PRMT7: variants seen among roughly 807,000 people sequenced by gnomAD.
The protein encoded by PRMT7 is protein arginine N-methyltransferase 7.
A neutral mutation model predicts 85.4 loss-of-function variants in PRMT7; 75 were observed. That is an observed-to-expected ratio of 0.88 (90% CI 0.73 to 1.06). PRMT7 has a LOEUF of 1.06. Among genes scored for constraint, PRMT7 ranks in the 50% least tolerant of loss-of-function variants. The probability of loss-of-function intolerance (pLI) is 0.00; values close to 1 mark genes in which losing one functional copy is unlikely to be tolerated. For synonymous variants in PRMT7, 397 were observed against 359.5 expected (o/e 1.10, Z -1.18); for missense variants, 868 against 915.2 (o/e 0.95, Z 0.67).
intron 5 of PRMT7, among the ~76,000 whole-genome samples, chr16:68,327,830 T>C (rs912391448): frequency 1.3e-5 from 2 of 151,578 alleles, no homozygotes; most frequent in Non-Finnish European, 2.9e-5. Context: ...TCCCAGCTAC[T>C]TGGGAGATTG....
At chr16:68,330,415 C>T (rs1441991042) in intron 6 of PRMT7, among the ~76,000 whole-genome samples, 1 of 152,096 alleles carries the variant, frequency 6.6e-6, no homozygotes, top group Non-Finnish European at 1.5e-5. Context: ...CCCATCTCAG[C>T]GACCCAAGTA....
At chr16:68,356,645 G>T in intron 17 of PRMT7, 56 bp from the exon 18 acceptor site, 1 of 1,391,272 alleles carries the variant, frequency 7.2e-7, no homozygotes, top group Non-Finnish European at 1.0e-6. Context: ...AGCTGCAGCT[G>T]TTCCCCCGCT....
At chr16:68,349,337 C>T (rs1047687812) in intron 14 of PRMT7, among the ~76,000 whole-genome samples, 2 of 152,048 alleles carry the variant, frequency 1.3e-5, no homozygotes, top group African/African-American at 4.8e-5. Flanking sequence ...AATCAGTGAC[C>T]ATCAGAGCCG....
At position 68,355,313 on chromosome 16, in the gene PRMT7, C is replaced by T. The variant is rs140816796; in HGVS notation, c.1651-410C>T. On this transcript the variant is annotated intron_variant, in intron 16 of 18. Coordinates refer to ENST00000441236, the MANE Select transcript of PRMT7 (RefSeq NM_019023.5). The stretch of plus-strand genomic sequence containing the variant: ...TCTGCATCCCTCCTGGATGCAGGTG[C>T]CCCCAGCCTGCCGCCAGGCACCGGG... The T allele has an allele frequency of 2.3e-3, 365 of 157,050 alleles. 1 individual carries two copies. Among genetic ancestry groups the T allele is most frequent in the African/African-American group, 8.4e-3 (349 of 41,788 alleles). The allele number at this position is 157,050 out of a possible 1,614,324, so 9.7% of individuals were successfully genotyped here. A position where few individuals can be genotyped will look rare whatever the true frequency, so the allele number is the denominator to read the frequency against.
intron 6 of PRMT7, among the ~76,000 whole-genome samples, chr16:68,333,400 G>C (rs1410864698): frequency 6.6e-6 from 1 of 151,444 alleles, no homozygotes. Flanking sequence ...AGAATTGCTT[G>C]AACCTGGGAG....
At position 68,357,371 on chromosome 16, in the gene PRMT7, G is replaced by A; in HGVS notation, c.*147G>A. 1 of 849,668 alleles carries A rather than the reference G, an allele frequency of 1.2e-6. No individual in the cohort carries two copies. The highest frequency in any genetic ancestry group is 1.8e-6 in the Non-Finnish European group (1 of 564,180). 52.6% of individuals were successfully genotyped at this position (849,668 alleles called of 1,614,324 possible). On this transcript the variant is annotated 3_prime_UTR_variant, in exon 19 of 19. Transcript: ENST00000441236. ...AGACTGCGCCGTGTTGCATCTTGTT[G>A]CATCTTTGCACTGCTGGCCTCTGGC...
chr16:68,329,217 G>A, intron 6 of PRMT7, 43 bp downstream of exon 6: 4 of 1,421,288 alleles, frequency 2.8e-6, no homozygotes, highest in Non-Finnish European at 4.0e-6. Context: ...GCTTGCTCTT[G>A]TGTGAGAGAG....
chr16:68,348,391 G>A lies in PRMT7; in HGVS notation c.1373G>A (p.Arg458Gln), dbSNP rs763616221. Residue 458 changes from arginine (R) to glutamine (Q), a missense_variant, in exon 14 of 19, where the codon CGG becomes CAG. Arg to Gln is a conservative substitution (Grantham distance 43, BLOSUM62 1). Transcript: ENST00000441236. Reference protein sequence around the residue: ...LEDKINIIEKRPELLTNEDLQ... With the variant: ...LEDKINIIEKQPELLTNEDLQ... ...GATAAAATTAACATCATAGAGAAAC[G>A]GCCGGAATTATTAACAAATGAGGAC... 38 of 1,612,812 alleles carry A rather than the reference G, an allele frequency of 2.4e-5. No individual in the cohort carries two copies. Among genetic ancestry groups the A allele is most frequent in the South Asian group, 6.6e-5 (6 of 91,020 alleles).
chr16:68,353,395 G>A lies in PRMT7; in HGVS notation c.1576-97G>A, dbSNP rs749806562. ...CTTCATACTTGGGGGTCTCTTTCAG[G>A]TGTGCAGGGAACAGCAAGATGTGCC... On this transcript the variant is annotated intron_variant, in intron 15 of 18. Coordinates refer to ENST00000441236, the MANE Select transcript of PRMT7 (RefSeq NM_019023.5). 7.0e-6 allele frequency: 11 copies of A among 1,582,426 alleles called. No homozygotes were observed. In the Admixed American group the frequency reaches 2.0e-4, roughly 28 times the overall value.
Position 68,337,588 on chromosome 16 carries a change from T to C in PRMT7, c.504+17T>C, listed in dbSNP as rs1309509539. ...CTCGTGGAGGTAGTAGACGGAGGGCTCCCTCAGACGTGTCTGTGGTCTCAG... is the reference window on the plus strand; with the variant it reads ...CTCGTGGAGGTAGTAGACGGAGGGCCCCCTCAGACGTGTCTGTGGTCTCAG... On this transcript the variant is annotated intron_variant, in intron 7 of 18. Transcript: ENST00000441236. The C allele has an allele frequency of 8.3e-6, 13 of 1,561,394 alleles. No individual in the cohort carries two copies. Among genetic ancestry groups the C allele is most frequent in the Non-Finnish European group, 1.1e-5 (13 of 1,137,926 alleles).
chr16:68,328,760 G>GC (rs2083447602), intron 5 of PRMT7, among the ~76,000 whole-genome samples: 1 of 152,052 alleles, frequency 6.6e-6, no homozygotes, highest in Non-Finnish European at 1.5e-5. Flanking sequence ...GGTTCGTGAG[G>GC]CAAGTCCCTT....
intron 6 of PRMT7, among the ~76,000 whole-genome samples, chr16:68,333,806 T>G (rs1445871455): frequency 6.6e-6 from 1 of 152,094 alleles, no homozygotes; most frequent in Admixed American, 6.6e-5. Flanking sequence ...ATAGAGTGGC[T>G]CTGTCGCCCA....
intron 9 of PRMT7, among the ~76,000 whole-genome samples, chr16:68,341,260 G>T (rs1259204101): frequency 6.6e-6 from 1 of 152,154 alleles, no homozygotes; most frequent in Non-Finnish European, 1.5e-5. Context: ...TTGCCTGATG[G>T]GTTCTTCCCA....
At position 68,329,093 on chromosome 16, in the gene PRMT7, G is replaced by A; in HGVS notation, c.310G>A (p.Val104Met). Residue 104 changes from valine to methionine, a missense_variant, in exon 6 of 19, where the codon GTG becomes ATG. Physicochemically the swap from Val to Met is conservative, Grantham distance 21 (BLOSUM62 1). Transcript: ENST00000441236. Reference protein sequence around the residue: ...EVFKPMADAAVKIVEKNGFSD... With the variant: ...EVFKPMADAAMKIVEKNGFSD... The stretch of plus-strand genomic sequence containing the variant: ...TTTCAAGCCTATGGCTGATGCTGCT[G>A]TGAAGATTGTGGAGAAAAATGGCTT... 2 of 1,611,926 alleles carry A rather than the reference G, an allele frequency of 1.2e-6. No individual in the cohort carries two copies. Among genetic ancestry groups the A allele is most frequent in the Non-Finnish European group, 8.5e-7 (1 of 1,178,066 alleles).
At chr16:68,328,963 A>T (rs1224133652) in intron 5 of PRMT7, 103 bp from the exon 6 acceptor site, 1 of 738,168 alleles carries the variant, frequency 1.4e-6, no homozygotes, top group East Asian at 2.7e-5. Flanking sequence ...TTTAAGTTAC[A>T]TATCTTAGGA....
At chr16:68,355,958 C>A in intron 17 of PRMT7, 75 bp downstream of exon 17, 1 of 1,404,896 alleles carries the variant, frequency 7.1e-7, no homozygotes, top group Non-Finnish European at 9.3e-7. Context: ...GTGGTGAGCA[C>A]AGCTGGCCTG....
intron 14 of PRMT7, 137 bp downstream of exon 14, chr16:68,348,568 C>G: frequency 1.8e-6 from 1 of 567,958 alleles, no homozygotes; most frequent in Non-Finnish European, 3.1e-6. Flanking sequence ...CTACGAGCTC[C>G]CACCATCAAG....
At position 68,339,931 on chromosome 16, in the gene PRMT7, C is replaced by T. The variant is rs762742697; in HGVS notation, c.890C>T (p.Ala297Val). 1.2e-6 allele frequency: 2 copies of T among 1,614,046 alleles called. No individual in the cohort carries two copies. Among genetic ancestry groups the T allele is most frequent in the Admixed American group, 1.7e-5 (1 of 59,998 alleles). ...DPEGKIKCTMAPFWAHSDPEE... is the reference protein window; with the variant it reads ...DPEGKIKCTMVPFWAHSDPEE... ...GAGGGGAAGATCAAGTGCACCATGG[C>T]CCCCTTCTGGGCACACTCAGACCCA... Residue 297 changes from alanine to valine, a missense_variant, in exon 9 of 19, where the codon GCC becomes GTC. Ala to Val is a moderately conservative substitution (Grantham distance 64, BLOSUM62 0). Transcript: ENST00000441236.
At chr16:68,320,329 G>A (rs939673083) in intron 3 of PRMT7, among the ~76,000 whole-genome samples, 1 of 152,198 alleles carries the variant, frequency 6.6e-6, no homozygotes. Context: ...AGTGCAGAGT[G>A]GGAATTGGGG....
Sources: allele counts gnomAD v4.1 joint callset (sites outside exome capture counted in the v4.1 genomes callset), GRCh38; gene constraint gnomAD v4.1.1; transcripts MANE v1.5; gene names NCBI Gene and HGNC (gene_info 2026-07-23, HGNC 2026-07-21).